The following CRIM1 variants were observed in gnomAD, a reference collection of about 807,000 sequenced individuals.
The protein encoded by CRIM1 is cysteine-rich motor neuron 1 protein.
A neutral mutation model predicts 116.4 loss-of-function variants in CRIM1; 32 were observed. The ratio of observed to expected loss-of-function variants is 0.27; its 90% confidence interval spans 0.21 to 0.37. The LOEUF is 0.37. Ranked by LOEUF, CRIM1 falls within the 10% of genes least tolerant of loss-of-function variation. CRIM1 has a pLI of 1.00. For missense variants in CRIM1, 1,331 were observed against 1,354.8 expected (o/e 0.98, Z 0.28); for synonymous variants, 590 against 509.2 (o/e 1.16, Z -2.13).
chr2:36,487,678 T>C (rs1558359943), intron 7 of CRIM1, among the ~76,000 whole-genome samples: 1 of 152,166 alleles, frequency 6.6e-6, no homozygotes, highest in East Asian at 1.9e-4. Flanking sequence ...TGAAAGCAAC[T>C]ATGAAGAGGT....
At chr2:36,530,303 A>G (rs559219427) in intron 13 of CRIM1, among the ~76,000 whole-genome samples, 27 of 152,282 alleles carry the variant, frequency 1.8e-4, no homozygotes, top group African/African-American at 6.0e-4. Flanking sequence ...TCTTCTGTCT[A>G]TGAGTTCTTA....
chr2:36,362,309 C>T (rs2148279272), intron 1 of CRIM1, among the ~76,000 whole-genome samples: 1 of 152,232 alleles, frequency 6.6e-6, no homozygotes, highest in South Asian at 2.1e-4. Flanking sequence ...GGTGGCAAAG[C>T]AGAAAGGGGA....
chr2:36,393,440 C>G (rs1671774411), intron 1 of CRIM1, among the ~76,000 whole-genome samples: 1 of 151,890 alleles, frequency 6.6e-6, no homozygotes, highest in South Asian at 2.1e-4. Flanking sequence ...TTGTTAAAGA[C>G]ACAACTGCAT....
At chr2:36,410,016 A>G (rs1673089788) in intron 2 of CRIM1, among the ~76,000 whole-genome samples, 1 of 152,174 alleles carries the variant, frequency 6.6e-6, no homozygotes, top group Admixed American at 6.5e-5. Flanking sequence ...GTAGGGATAT[A>G]CTCTTACAGT....
At chr2:36,375,680 A>G (rs1278021295) in intron 1 of CRIM1, among the ~76,000 whole-genome samples, 1 of 152,212 alleles carries the variant, frequency 6.6e-6, no homozygotes, top group African/African-American at 2.4e-5. Context: ...TGGAAAGAGT[A>G]CCTATTTAGA....
chr2:36,363,548 A>G (rs1669384950), intron 1 of CRIM1, among the ~76,000 whole-genome samples: 1 of 109,738 alleles, frequency 9.1e-6, no homozygotes, highest in South Asian at 3.2e-4. Context: ...CCCCATGACT[A>G]TCTTTTTATA....
chr2:36,442,124 G>T (rs947368160), intron 3 of CRIM1, among the ~76,000 whole-genome samples: 2 of 152,050 alleles, frequency 1.3e-5, no homozygotes, highest in African/African-American at 4.8e-5. Context: ...TAACATCCTT[G>T]CTCTTGTGGC....
chr2:36,472,832 A>G (rs1353120811), intron 5 of CRIM1, among the ~76,000 whole-genome samples: 2 of 152,234 alleles, frequency 1.3e-5, no homozygotes, highest in Admixed American at 6.5e-5. Flanking sequence ...TGGAACTTAT[A>G]GTGTAGCTGC....
At chr2:36,456,588 C>T (rs1345957822) in intron 4 of CRIM1, among the ~76,000 whole-genome samples, 1 of 152,198 alleles carries the variant, frequency 6.6e-6, no homozygotes, top group East Asian at 1.9e-4. Flanking sequence ...CCATTGTCTT[C>T]CCCTAGACCT....
intron 2 of CRIM1, among the ~76,000 whole-genome samples, chr2:36,399,271 A>T (rs142815470): frequency 1.3e-4 from 20 of 152,370 alleles, no homozygotes; most frequent in African/African-American, 4.6e-4. Flanking sequence ...AAGATGGTGA[A>T]GTCAACATTA....
intron 13 of CRIM1, among the ~76,000 whole-genome samples, chr2:36,530,026 A>G (rs1007780841): frequency 2.0e-5 from 3 of 152,170 alleles, no homozygotes; most frequent in Admixed American, 6.5e-5. Context: ...AAGATGGATT[A>G]AGATCAGATT....
chr2:36,440,209 G>C (rs1174852277), intron 2 of CRIM1, among the ~76,000 whole-genome samples: 10 of 152,152 alleles, frequency 6.6e-5, no homozygotes, highest in Admixed American at 6.5e-4. Flanking sequence ...GGCCTCAGAC[G>C]TTCTTTATCT....
intron 7 of CRIM1, among the ~76,000 whole-genome samples, chr2:36,495,309 C>G (rs1352112761): frequency 6.6e-6 from 1 of 152,138 alleles, no homozygotes; most frequent in Non-Finnish European, 1.5e-5. Flanking sequence ...CAAAATCCGA[C>G]AGGCAATTTC....
chr2:36,494,367 C>T (rs1680438562), intron 7 of CRIM1, among the ~76,000 whole-genome samples: 1 of 152,084 alleles, frequency 6.6e-6, no homozygotes, highest in African/African-American at 2.4e-5. Context: ...ACTGACAAGA[C>T]ATCTGTTAGG....
intron 5 of CRIM1, among the ~76,000 whole-genome samples, chr2:36,470,781 GTTAA>G (rs1226382095): frequency 6.6e-6 from 1 of 152,174 alleles, no homozygotes; most frequent in Non-Finnish European, 1.5e-5. Context: ...TTCAAGTCTT[GTTAA>G]TTAAGAAAAA....
chr2:36,478,263 G>A (rs1331196413), intron 6 of CRIM1, among the ~76,000 whole-genome samples: 1 of 152,114 alleles, frequency 6.6e-6, no homozygotes, highest in Non-Finnish European at 1.5e-5. Context: ...TATTTTTTAG[G>A]TGATGTTGAC....
intron 7 of CRIM1, among the ~76,000 whole-genome samples, chr2:36,495,121 A>C (rs1680488735): frequency 6.6e-6 from 1 of 152,210 alleles, no homozygotes; most frequent in Non-Finnish European, 1.5e-5. Flanking sequence ...GTGCCGCCAG[A>C]AATCTTAGCA....
intron 2 of CRIM1, among the ~76,000 whole-genome samples, chr2:36,437,219 CA>C (rs1325402672): frequency 2.0e-5 from 3 of 152,084 alleles, no homozygotes; most frequent in African/African-American, 7.2e-5. Context: ...ACTAAAAATA[CA>C]AAAAATTAGC....
At chr2:36,522,369 T>C (rs932619644) in intron 13 of CRIM1, 56 bp downstream of exon 13, 71 of 1,302,744 alleles carry the variant, frequency 5.5e-5, no homozygotes, top group Non-Finnish European at 2.2e-5. Flanking sequence ...TAAATCTGTA[T>C]TGACAGCCAT....
Sources: allele counts gnomAD v4.1 joint callset (sites outside exome capture counted in the v4.1 genomes callset), GRCh38; gene constraint gnomAD v4.1.1; transcripts MANE v1.5; gene names NCBI Gene and HGNC (gene_info 2026-07-23, HGNC 2026-07-21).